Variants in IGF2BP2 observed in about 807,000 individuals in gnomAD.
IGF2BP2 encodes insulin like growth factor 2 mRNA binding protein 2, also known as insulin-like growth factor 2 mRNA-binding protein 2.
A neutral mutation model predicts 75.8 loss-of-function variants in IGF2BP2; 17 were observed. The ratio of observed to expected loss-of-function variants is 0.22; its 90% CI spans 0.15 to 0.34. IGF2BP2 has a LOEUF of 0.34. Ranked by LOEUF, IGF2BP2 falls within the 10% of genes least tolerant of loss-of-function variation. The pLI is 1.00. For synonymous variants in IGF2BP2, 288 were observed against 295.6 expected (o/e 0.97, Z 0.26); for missense variants, 516 against 772.4 (o/e 0.67, Z 3.93).
chr3:185,651,792 A>G (rs1187126879), intron 13 of IGF2BP2, among the ~76,000 whole-genome samples: 2 of 152,188 alleles, frequency 1.3e-5, no homozygotes, highest in Non-Finnish European at 2.9e-5. Flanking sequence ...TGACTAAATG[A>G]GCCGGAGACA....
At position 185,725,572 on chromosome 3, in the gene IGF2BP2, T is replaced by G. The variant is rs181002704; in HGVS notation, c.240-27225A>C. 4.1e-3 allele frequency among the ~76,000 whole-genome samples: 630 copies of G among 152,274 alleles called. 3 individuals are homozygous for G. The highest frequency in any genetic ancestry group is 0.014 in the African/African-American group (593 of 41,552). ...TCCAGAAGGGACTAATATTGTTTTT[T>G]TCTGGTGGATAGTCGGGGTAGAGGA... On this transcript the variant is annotated intron_variant, in intron 2 of 15. Transcript: ENST00000382199.
At chr3:185,722,384 A>G (rs1272451156) in intron 2 of IGF2BP2, 1 of 400,296 alleles carries the variant, frequency 2.5e-6, no homozygotes, top group Non-Finnish European at 4.9e-6. Context: ...CTGCAACAAG[A>G]ACTGAATCAC....
At chr3:185,782,890 A>G (rs1472078388) in intron 2 of IGF2BP2, among the ~76,000 whole-genome samples, 3 of 152,204 alleles carry the variant, frequency 2.0e-5, no homozygotes, top group Non-Finnish European at 4.4e-5. Context: ...ATGTTCTCCC[A>G]AAGTCTTGTG....
At chr3:185,689,025 A>C (rs995496486) in intron 6 of IGF2BP2, 2 of 216,616 alleles carry the variant, frequency 9.2e-6, no homozygotes, top group African/African-American at 4.6e-5. Flanking sequence ...AAGAGCTATG[A>C]TGAGTGGGTT....
chr3:185,674,653 T>C (rs1256063778), intron 9 of IGF2BP2, among the ~76,000 whole-genome samples: 3 of 152,182 alleles, frequency 2.0e-5, no homozygotes, highest in Non-Finnish European at 2.9e-5. Flanking sequence ...CTTTAAAGCA[T>C]GCATTTTTAA....
Position 185,793,380 on chromosome 3 carries a change from C to T in IGF2BP2, c.239+29773G>A, listed in dbSNP as rs73061087. ...GATCAGTGATAGCCCACATAAAGCA[C>T]CTAGCCCAGTAAAATGGTCTCTACT... On this transcript the variant is annotated intron_variant, in intron 2 of 15. Coordinates refer to ENST00000382199, the MANE Select transcript of IGF2BP2 (RefSeq NM_006548.6). 3.4e-3 allele frequency among the ~76,000 whole-genome samples: 521 copies of T among 152,252 alleles called. 2 individuals are homozygous for T. The highest frequency in any genetic ancestry group is 0.014 in the Middle Eastern group (4 of 294).
At chr3:185,746,845 A>G (rs1473472674) in intron 2 of IGF2BP2, among the ~76,000 whole-genome samples, 1 of 152,260 alleles carries the variant, frequency 6.6e-6, no homozygotes, top group East Asian at 1.9e-4. Flanking sequence ...CAGGACCAGA[A>G]AAAGATCTCT....
At chr3:185,731,981 CA>C (rs781417130) in intron 2 of IGF2BP2, among the ~76,000 whole-genome samples, 83 of 141,344 alleles carry the variant, frequency 5.9e-4, no homozygotes, top group Admixed American at 6.4e-4. Context: ...GACTCCGTCT[CA>C]AAAAAAAAAA....
intron 2 of IGF2BP2, among the ~76,000 whole-genome samples, chr3:185,796,596 C>A (rs912978293): frequency 7.5e-4 from 69 of 92,274 alleles, no homozygotes; most frequent in Middle Eastern, 0.013. Flanking sequence ...ATTCCAGGGA[C>A]AAGAACAATT....
intron 2 of IGF2BP2, chr3:185,728,809 G>A (rs1375788288): frequency 1.3e-5 from 2 of 152,182 alleles, no homozygotes; most frequent in South Asian, 2.1e-4. Flanking sequence ...ACTACGCCAC[G>A]AGTTCTCAAA....
intron 2 of IGF2BP2, among the ~76,000 whole-genome samples, chr3:185,707,726 C>T (rs777589795): frequency 9.2e-5 from 14 of 151,990 alleles, no homozygotes; most frequent in Non-Finnish European, 1.2e-4. Flanking sequence ...GGACCTCTTT[C>T]GGAAATCAAA....
At chr3:185,786,564 C>T (rs1366964790) in intron 2 of IGF2BP2, among the ~76,000 whole-genome samples, 2 of 141,098 alleles carry the variant, frequency 1.4e-5, no homozygotes, top group East Asian at 4.0e-4. Context: ...AGAGAAAAAC[C>T]CCCTTTGATT....
intron 2 of IGF2BP2, among the ~76,000 whole-genome samples, chr3:185,804,504 A>G (rs760176706): frequency 4.6e-5 from 7 of 151,916 alleles, no homozygotes; most frequent in Admixed American, 1.3e-4. Flanking sequence ...AATATAAGTC[A>G]TTTTTTCTAT....
At chr3:185,724,093 G>A (rs1726970906) in intron 2 of IGF2BP2, among the ~76,000 whole-genome samples, 2 of 152,136 alleles carry the variant, frequency 1.3e-5, no homozygotes, top group Non-Finnish European at 2.9e-5. Flanking sequence ...AGTCCTAAGT[G>A]GCACCAGGAC....
chr3:185,819,231 A>G (rs1391647610), intron 2 of IGF2BP2, among the ~76,000 whole-genome samples: 2 of 152,178 alleles, frequency 1.3e-5, no homozygotes, highest in African/African-American at 4.8e-5. Flanking sequence ...TGCACTACAT[A>G]TCACAAATCA....
intron 15 of IGF2BP2, among the ~76,000 whole-genome samples, chr3:185,646,275 C>T (rs924990900): frequency 7.2e-5 from 11 of 151,936 alleles, no homozygotes; most frequent in Admixed American, 2.0e-4. Context: ...GCGGGGGGTG[C>T]GTGTGTGGGT....
chr3:185,644,305 T>G lies in IGF2BP2; in HGVS notation c.*1226A>C, dbSNP rs113231076. ...GCCAACAACCTTGGTAAATTTCTAC[T>G]TTCCTCCACATTTTTTTTTTTTAAA... On this transcript the variant is annotated 3_prime_UTR_variant, in exon 16 of 16. Transcript: ENST00000382199. 6.6e-6 allele frequency: 1 copy of G among 152,514 alleles called. No individual in the cohort carries two copies. The highest frequency in any genetic ancestry group is 1.5e-5 in the Non-Finnish European group (1 of 68,012). The allele number at this position is 152,514 out of a possible 1,614,324, so 9.4% of individuals were successfully genotyped here.
Position 185,643,769 on chromosome 3 carries a change from CTTTTTTTTTCTTTTTTTT to C in IGF2BP2, c.*1744_*1761del, listed in dbSNP as rs923345777. On this transcript the variant is annotated 3_prime_UTR_variant, in exon 16 of 16. Transcript: ENST00000382199. ...TTAGCTGGATATATTTCTGTTTTTTCTTTTTTTTTCTTTTTTTTTTTTTTTTTTTTGTCACAGAACACT... is the reference window on the plus strand; with the variant it reads ...TTAGCTGGATATATTTCTGTTTTTTCTTTTTTTTTTTTGTCACAGAACACT... 5.0e-5 allele frequency: 6 copies of C among 120,412 alleles called. No individual in the cohort carries two copies. Among genetic ancestry groups the C allele is most frequent in the African/African-American group, 1.6e-4 (5 of 30,842 alleles). 7.5% of individuals were successfully genotyped at this position (120,412 alleles called of 1,614,324 possible). A position where few individuals can be genotyped will look rare whatever the true frequency, so the allele number is the denominator to read the frequency against.
intron 2 of IGF2BP2, among the ~76,000 whole-genome samples, chr3:185,812,873 C>T (rs1274777735): frequency 6.6e-6 from 1 of 152,128 alleles, no homozygotes; most frequent in East Asian, 1.9e-4. Flanking sequence ...ATAAAAGATA[C>T]AATGTTGGCC....
Sources: allele counts gnomAD v4.1 joint callset (sites outside exome capture counted in the v4.1 genomes callset), GRCh38; gene constraint gnomAD v4.1.1; transcripts MANE v1.5; gene names NCBI Gene and HGNC (gene_info 2026-07-23, HGNC 2026-07-21).